The following FAM227B variants were observed in gnomAD, a reference collection of about 807,000 sequenced individuals.
The protein encoded by FAM227B is protein FAM227B.
A neutral mutation model predicts 73.8 loss-of-function variants in FAM227B; 88 were observed. That is an observed-to-expected ratio of 1.19 (90% confidence interval 1.00 to 1.42). FAM227B has a LOEUF of 1.42. Among genes scored for constraint, FAM227B ranks in the 40% most tolerant of loss-of-function variants. FAM227B has a pLI of 0.00. For missense variants in FAM227B, 632 were observed against 590.9 expected (o/e 1.07, Z -0.72); for synonymous variants, 210 against 190.5 (o/e 1.10, Z -0.84).
intron 9 of FAM227B, among the ~76,000 whole-genome samples, chr15:49,548,214 A>G (rs1440719342): frequency 2.0e-5 from 3 of 152,060 alleles, no homozygotes; most frequent in East Asian, 1.9e-4. Flanking sequence ...TTTTTTGATA[A>G]TTTTTATTAT....
intron 9 of FAM227B, among the ~76,000 whole-genome samples, chr15:49,552,590 T>C (rs1345858499): frequency 6.6e-6 from 1 of 152,178 alleles, no homozygotes; most frequent in Non-Finnish European, 1.5e-5. Context: ...TTTTTCTACC[T>C]CCTTTTTAAG....
At chr15:49,566,619 A>C (rs1348762218) in intron 9 of FAM227B, among the ~76,000 whole-genome samples, 1 of 152,188 alleles carries the variant, frequency 6.6e-6, no homozygotes, top group Non-Finnish European at 1.5e-5. Flanking sequence ...TAGTAATAAA[A>C]CCCTCACTTA....
chr15:49,541,716 C>A lies in FAM227B; in HGVS notation c.838G>T (p.Glu280Ter), dbSNP rs367563798. The A allele has an allele frequency of 1.3e-6, 2 of 1,531,756 alleles. No homozygotes were observed. Among genetic ancestry groups the A allele is most frequent in the Non-Finnish European group, 1.8e-6 (2 of 1,139,778 alleles). 94.9% of individuals were successfully genotyped at this position (1,531,756 alleles called of 1,614,324 possible). Residue 280 changes from glutamate to a stop codon, truncating the protein, a stop_gained, in exon 10 of 16, where the codon GAA (glutamate) becomes TAA (stop). Transcript: ENST00000299338. LOFTEE classifies it high-confidence loss of function. ...SSYLFNDEFKEDLGNNIFLWC... is the reference protein window; with the variant it reads ...SSYLFNDEFK ...AGAAAAATGTTATTCCCTAGATCTT[C>A]TTTAAATTCATCATTAAAGAGGTAA... is the stretch of plus-strand genomic sequence containing the variant.
At chr15:49,608,622 A>T (rs1480731204) in intron 3 of FAM227B, among the ~76,000 whole-genome samples, 1 of 152,004 alleles carries the variant, frequency 6.6e-6, no homozygotes, top group Non-Finnish European at 1.5e-5. Context: ...ATGAATAAAC[A>T]AATAAGCAAA....
At chr15:49,559,629 A>G (rs2074069139) in intron 9 of FAM227B, among the ~76,000 whole-genome samples, 1 of 152,118 alleles carries the variant, frequency 6.6e-6, no homozygotes, top group Non-Finnish European at 1.5e-5. Flanking sequence ...ACAAGCAGGA[A>G]CTAGCATAAG....
intron 10 of FAM227B, among the ~76,000 whole-genome samples, chr15:49,536,445 C>A (rs1043933054): frequency 2.6e-5 from 4 of 151,760 alleles, no homozygotes; most frequent in African/African-American, 9.7e-5. Context: ...ATATCCCATG[C>A]TATGTATCAG....
intron 13 of FAM227B, among the ~76,000 whole-genome samples, chr15:49,346,055 T>A (rs1018266153): frequency 2.0e-5 from 3 of 151,266 alleles, no homozygotes; most frequent in Non-Finnish European, 3.0e-5. Context: ...TTTGTTATTT[T>A]TTTTTTTTTT....
At chr15:49,339,924 A>T (rs2151212636) in intron 13 of FAM227B, among the ~76,000 whole-genome samples, 1 of 152,256 alleles carries the variant, frequency 6.6e-6, no homozygotes, top group Middle Eastern at 3.4e-3. Context: ...CTGTGCGGGT[A>T]AAACTGCCTA....
In FAM227B at chr15:49,549,628, G is replaced by A. The variant is rs936698718; in HGVS notation, c.748-7822C>T. 4.0e-5 allele frequency among the ~76,000 whole-genome samples: 6 copies of A among 151,646 alleles called. No homozygotes were observed. The East Asian group carries it at 9.7e-4, about 25-fold the overall frequency. ...CTGAGTGGACACAGCACATGATTCC[G>A]AGAGCACAGGGTTGGGGGTAAGGTC... On this transcript the variant is annotated intron_variant, in intron 9 of 15. Coordinates refer to ENST00000299338, the MANE Select transcript of FAM227B (RefSeq NM_152647.3).
In FAM227B at chr15:49,494,948, G is replaced by T. The variant is rs140787359; in HGVS notation, c.1012+13263C>A. ...AAGAGTCATTCTAATACCTAAGCAT[G>T]ATACAAATGTCATTGTTGCAAATGA... On this transcript the variant is annotated intron_variant, in intron 11 of 15. Transcript: ENST00000299338. Among the ~76,000 whole-genome samples the T allele has an allele frequency of 1.1e-4, 16 of 152,240 alleles. No individual in the cohort carries two copies. In the East Asian group the frequency reaches 3.1e-3, roughly 29 times the overall value.
chr15:49,431,010 T>A (rs1412861471), intron 11 of FAM227B, among the ~76,000 whole-genome samples: 1 of 151,844 alleles, frequency 6.6e-6, no homozygotes, highest in Non-Finnish European at 1.5e-5. Flanking sequence ...ATAGCTTTCT[T>A]CCTTTGTATC....
intron 9 of FAM227B, among the ~76,000 whole-genome samples, chr15:49,544,241 T>G (rs908315609): frequency 6.6e-6 from 1 of 152,064 alleles, no homozygotes; most frequent in African/African-American, 2.4e-5. Flanking sequence ...AGTTATTTAT[T>G]TATTTAATTT....
At position 49,355,847 on chromosome 15, in the gene FAM227B, C is replaced by T. The variant is rs537467996; in HGVS notation, c.1271+11601G>A. On this transcript the variant is annotated intron_variant, in intron 13 of 15. Coordinates refer to ENST00000299338, the MANE Select transcript of FAM227B (RefSeq NM_152647.3). ...GTTAAGGGCAGCTAGAGAGAAAGGTCGGGTCACCCTCAAAGGGAAGCCCAT... is the reference window on the plus strand; with the variant it reads ...GTTAAGGGCAGCTAGAGAGAAAGGTTGGGTCACCCTCAAAGGGAAGCCCAT... Among the ~76,000 whole-genome samples the T allele has an allele frequency of 7.3e-3, 1,118 of 152,240 alleles. 28 individuals carry two copies. Among genetic ancestry groups the T allele is most frequent in the African/African-American group, 0.026 (1,070 of 41,530 alleles).
intron 11 of FAM227B, among the ~76,000 whole-genome samples, chr15:49,445,233 A>G (rs2052076321): frequency 6.6e-6 from 1 of 151,620 alleles, no homozygotes; most frequent in South Asian, 2.1e-4. Context: ...GGTACTGAGC[A>G]TAGTACCCAA....
At chr15:49,340,943 T>C (rs2040631872) in intron 13 of FAM227B, among the ~76,000 whole-genome samples, 2 of 152,336 alleles carry the variant, frequency 1.3e-5, no homozygotes, top group African/African-American at 4.8e-5. Context: ...TTTTTGTATA[T>C]GATGAAAGGA....
chr15:49,564,000 A>C (rs2074451417), intron 9 of FAM227B, among the ~76,000 whole-genome samples: 2 of 152,244 alleles, frequency 1.3e-5, no homozygotes, highest in Admixed American at 6.5e-5. Context: ...GATCTAATTA[A>C]ACTAAAAAGC....
intron 11 of FAM227B, among the ~76,000 whole-genome samples, chr15:49,393,604 C>T (rs1031891382): frequency 2.0e-5 from 3 of 151,904 alleles, no homozygotes; most frequent in Non-Finnish European, 2.9e-5. Context: ...TTAATTAAAC[C>T]AAGTCCTTTC....
At chr15:49,386,926 A>G (rs1468544075) in intron 11 of FAM227B, among the ~76,000 whole-genome samples, 3 of 151,902 alleles carry the variant, frequency 2.0e-5, no homozygotes, top group African/African-American at 4.8e-5. Context: ...CTGGAAACAT[A>G]CAATCCTCCT....
chr15:49,416,518 G>T (rs2049224093), intron 11 of FAM227B, among the ~76,000 whole-genome samples: 1 of 151,970 alleles, frequency 6.6e-6, no homozygotes, highest in Non-Finnish European at 1.5e-5. Context: ...GAACTATCAG[G>T]CAAGAGAAAG....
Sources: gnomAD v4.1 joint callset for allele counts (sites outside exome capture counted in the v4.1 genomes callset) on GRCh38, gnomAD v4.1.1 for gene constraint, MANE v1.5 for transcripts, NCBI Gene and HGNC (gene_info 2026-07-23, HGNC 2026-07-21) for gene names.